PTK2: variants seen among roughly 807,000 people sequenced by gnomAD.
The protein encoded by PTK2 is focal adhesion kinase 1.
Under a neutral mutation model 150.1 loss-of-function variants are expected in PTK2, and 45 were observed. That is an observed-to-expected ratio of 0.30 (90% CI 0.24 to 0.38). The LOEUF is 0.38. PTK2 is among the 10% of genes least tolerant of loss of function. PTK2 has a pLI of 1.00. For synonymous variants in PTK2, 432 were observed against 449.2 expected, an observed-to-expected ratio of 0.96 and a Z score of 0.48; for missense variants, 919 against 1,307.3, an observed-to-expected ratio of 0.70 and a Z score of 4.58.
chr8:140,861,922 T>C (rs2100136384), intron 5 of PTK2, among the ~76,000 whole-genome samples: 1 of 152,204 alleles, frequency 6.6e-6, no homozygotes, highest in Admixed American at 6.5e-5. Context: ...GAATTTTTAA[T>C]AGGTTCATTA....
At chr8:140,996,378 G>A (rs1327837755) in intron 1 of PTK2, among the ~76,000 whole-genome samples, 1 of 152,190 alleles carries the variant, frequency 6.6e-6, no homozygotes, top group Non-Finnish European at 1.5e-5. Flanking sequence ...GCAAGTTATC[G>A]AGAAGATCTA....
intron 2 of PTK2, among the ~76,000 whole-genome samples, chr8:140,893,642 G>C (rs2100154967): frequency 6.6e-6 from 1 of 152,150 alleles, no homozygotes; most frequent in Non-Finnish European, 1.5e-5. Context: ...GGCAGAGTTG[G>C]GAAGGACTGC....
At chr8:140,703,605 AAC>A (rs2100031992) in intron 24 of PTK2, among the ~76,000 whole-genome samples, 3 of 78,336 alleles carry the variant, frequency 3.8e-5, no homozygotes, top group Non-Finnish European at 1.0e-4. Context: ...CAAGAATAAC[AAC>A]AACAACAAAA....
chr8:140,740,125 C>T (rs1189571173), intron 20 of PTK2, among the ~76,000 whole-genome samples: 6 of 152,140 alleles, frequency 3.9e-5, no homozygotes, highest in Admixed American at 3.9e-4. Flanking sequence ...AGGCAAACCA[C>T]TCAAAACCTT....
At chr8:140,846,774 T>C in intron 5 of PTK2, 96 bp from the exon 6 acceptor site, 1 of 805,862 alleles carries the variant, frequency 1.2e-6, no homozygotes, top group Non-Finnish European at 2.0e-6. Flanking sequence ...TTTCATATAG[T>C]TTACATTATG....
intron 26 of PTK2, among the ~76,000 whole-genome samples, chr8:140,699,252 A>G (rs2100028772): frequency 6.6e-6 from 1 of 152,214 alleles, no homozygotes; most frequent in African/African-American, 2.4e-5. Flanking sequence ...CTGGCTCAAA[A>G]TTATGAATCC....
At chr8:140,801,254 T>A (rs957409453) in intron 11 of PTK2, among the ~76,000 whole-genome samples, 1 of 152,168 alleles carries the variant, frequency 6.6e-6, no homozygotes, top group African/African-American at 2.4e-5. Flanking sequence ...AGAATCCTGG[T>A]GTGCTGATGG....
At chr8:140,790,531 A>T (rs866423777) in intron 13 of PTK2, among the ~76,000 whole-genome samples, 1 of 152,240 alleles carries the variant, frequency 6.6e-6, no homozygotes, top group Non-Finnish European at 1.5e-5. Context: ...CAGGTGTGGA[A>T]GTTTCCACTT....
At chr8:140,672,046 C>A in intron 29 of PTK2, 1 of 388,806 alleles carries the variant, frequency 2.6e-6, no homozygotes, top group South Asian at 1.9e-5. Context: ...TATGTTATTC[C>A]AGCTGTGAAA....
At chr8:140,911,610 A>G (rs1415345798) in intron 2 of PTK2, among the ~76,000 whole-genome samples, 1 of 152,202 alleles carries the variant, frequency 6.6e-6, no homozygotes, top group Non-Finnish European at 1.5e-5. Context: ...ATATGTGTGT[A>G]CATTTATCTC....
At chr8:140,897,244 T>C (rs984707021) in intron 2 of PTK2, among the ~76,000 whole-genome samples, 2 of 152,130 alleles carry the variant, frequency 1.3e-5, no homozygotes, top group African/African-American at 2.4e-5. Flanking sequence ...CCTTCATAAA[T>C]AGGTCTTCAA....
intron 10 of PTK2, among the ~76,000 whole-genome samples, chr8:140,812,694 C>A (rs1276432373): frequency 6.6e-6 from 1 of 152,076 alleles, no homozygotes; most frequent in Non-Finnish European, 1.5e-5. Flanking sequence ...AAAAATCCAT[C>A]ATTCAAATGG....
rs116720137 is a variant in PTK2 at position 140,969,188 on chromosome 8, G to A, written c.-122+31937C>T. Among the ~76,000 whole-genome samples, 640 of 152,156 alleles carry A rather than the reference G, an allele frequency of 4.2e-3. 7 individuals carry two copies. The highest frequency in any genetic ancestry group is 0.015 in the African/African-American group (622 of 41,490). The stretch of plus-strand genomic sequence containing the variant: ...CATCAGCATATTTAAACAAGACCCA[G>A]AGTCTCCTCCTAACATAACATCCAA... On this transcript the variant is annotated intron_variant, in intron 1 of 31. Transcript: ENST00000522684.
intron 26 of PTK2, among the ~76,000 whole-genome samples, chr8:140,690,218 C>T (rs1300015982): frequency 6.6e-6 from 1 of 152,152 alleles, no homozygotes; most frequent in Non-Finnish European, 1.5e-5. Context: ...TCCCAAAGTG[C>T]TGGGATTACA....
chr8:140,688,880 C>G (rs182090700), intron 26 of PTK2, among the ~76,000 whole-genome samples: 162 of 152,234 alleles, frequency 1.1e-3, no homozygotes, highest in African/African-American at 3.0e-3. Flanking sequence ...ATATATATAA[C>G]TAATGCCCAT....
At chr8:140,738,235 C>T (rs1044721562) in intron 21 of PTK2, among the ~76,000 whole-genome samples, 2 of 151,824 alleles carry the variant, frequency 1.3e-5, no homozygotes, top group Non-Finnish European at 2.9e-5. Context: ...TTAAGGTGGA[C>T]CTTGAGGGTT....
intron 14 of PTK2, among the ~76,000 whole-genome samples, chr8:140,778,361 G>T (rs2100079611): frequency 6.6e-6 from 1 of 152,210 alleles, no homozygotes. Context: ...TAAGGCACAA[G>T]AACTGCTTGA....
rs148299218 is a variant in PTK2, at chr8:140,763,834, G to A, written c.1234+400C>T. On this transcript the variant is annotated intron_variant, in intron 15 of 31. Transcript: ENST00000522684. ...TTGAATATATGTGTGTGAAAGTATGGGTATACGTGTGTGTATGTATGTGTA... is the reference window on the plus strand; with the variant it reads ...TTGAATATATGTGTGTGAAAGTATGAGTATACGTGTGTGTATGTATGTGTA... Among the ~76,000 whole-genome samples the A allele has an allele frequency of 3.0e-3, 452 of 151,834 alleles. 3 individuals carry two copies. Among genetic ancestry groups the A allele is most frequent in the African/African-American group, 0.01 (434 of 41,394 alleles).
At chr8:141,000,672 G>GC (rs547987586) in intron 1 of PTK2, among the ~76,000 whole-genome samples, 2,848 of 105,992 alleles carry the variant, frequency 0.027, 44 homozygotes, top group Non-Finnish European at 0.041. Flanking sequence ...TTCGAAAGCC[G>GC]CCCCCCCCTT....
Sources: gnomAD v4.1 joint callset for allele counts (sites outside exome capture counted in the v4.1 genomes callset) on GRCh38, gnomAD v4.1.1 for gene constraint, MANE v1.5 for transcripts, NCBI Gene and HGNC (gene_info 2026-07-23, HGNC 2026-07-21) for gene names.